OTUD7A: variants seen among roughly 807,000 people sequenced by gnomAD.
OTUD7A encodes the protein OTU domain-containing protein 7A.
A neutral mutation model predicts 65.7 loss-of-function variants in OTUD7A; 12 were observed. The observed-to-expected ratio is 0.18, with a 90% confidence interval of 0.12 to 0.30. OTUD7A has a LOEUF of 0.30. Among genes scored for constraint, OTUD7A ranks in the 10% least tolerant of loss-of-function variants. The pLI is 1.00. For synonymous variants in OTUD7A, 641 were observed against 586.3 expected, an observed-to-expected ratio of 1.09 and a Z score of -1.35; for missense variants, 1,148 against 1,304.8, an observed-to-expected ratio of 0.88 and a Z score of 1.85.
chr15:31,836,392 T>C (rs1353210526), intron 1 of OTUD7A, among the ~76,000 whole-genome samples: 1 of 152,208 alleles, frequency 6.6e-6, no homozygotes, highest in Non-Finnish European at 1.5e-5. Flanking sequence ...CTCTTTGCAC[T>C]TTTCATGAAC....
At chr15:31,714,837 T>A (rs1479860754) in intron 1 of OTUD7A, among the ~76,000 whole-genome samples, 1 of 152,168 alleles carries the variant, frequency 6.6e-6, no homozygotes, top group Non-Finnish European at 1.5e-5. Context: ...CACAAGAATC[T>A]TTAAAAGATG....
intron 1 of OTUD7A, among the ~76,000 whole-genome samples, chr15:31,745,772 C>G (rs559271083): frequency 1.2e-3 from 187 of 152,224 alleles, no homozygotes; most frequent in Non-Finnish European, 2.3e-3. Context: ...AAAAAATATT[C>G]ACAAGACAGA....
chr15:31,722,626 G>A (rs2089006), intron 1 of OTUD7A, among the ~76,000 whole-genome samples: 30,704 of 152,210 alleles, frequency 0.2, 3,551 homozygotes, highest in Admixed American at 0.28. Context: ...ATGGAATGCA[G>A]GCAGGACCAC....
At chr15:31,525,140 C>T (rs1244563855) in intron 8 of OTUD7A, among the ~76,000 whole-genome samples, 4 of 152,212 alleles carry the variant, frequency 2.6e-5, no homozygotes, top group Non-Finnish European at 5.9e-5. Context: ...ACCTATCAGG[C>T]GTCCTCCCTG....
At chr15:31,812,509 C>A (rs1029984852) in intron 1 of OTUD7A, among the ~76,000 whole-genome samples, 2 of 152,256 alleles carry the variant, frequency 1.3e-5, no homozygotes, top group South Asian at 4.1e-4. Context: ...AGAAAATGCA[C>A]GCCCTGAAGC....
intron 3 of OTUD7A, among the ~76,000 whole-genome samples, chr15:31,586,828 G>A (rs1248191698): frequency 6.6e-6 from 1 of 151,866 alleles, no homozygotes; most frequent in East Asian, 1.9e-4. Flanking sequence ...CCCTTGGCTT[G>A]CCCCCTCTCC....
At position 31,484,804 on chromosome 15, in the gene OTUD7A, C is replaced by G; in HGVS notation, c.1372-80G>C. On this transcript the variant is annotated intron_variant, in intron 12 of 12. Transcript: ENST00000307050. The surrounding 1 kb of genome is among the most constrained non-coding windows in gnomAD (Gnocchi z 4.5). ...GCCAGCGAGGAAGACACACCTTGCC[C>G]CTGTGTTGCCGAGGCTAGGGCCCTG... is the stretch of plus-strand genomic sequence containing the variant. 6.6e-7 allele frequency: 1 copy of G among 1,512,846 alleles called. No homozygotes were observed. Among genetic ancestry groups the G allele is most frequent in the South Asian group, 1.3e-5 (1 of 79,066 alleles). The allele number at this position is 1,512,846 out of a possible 1,614,324, so 93.7% of individuals were successfully genotyped here.
intron 3 of OTUD7A, among the ~76,000 whole-genome samples, chr15:31,616,997 A>C (rs1274691711): frequency 6.6e-6 from 1 of 152,222 alleles, no homozygotes; most frequent in Non-Finnish European, 1.5e-5. Flanking sequence ...AGAAATAGCA[A>C]ATTTAACCAA....
At chr15:31,753,552 T>A (rs1258155852) in intron 1 of OTUD7A, among the ~76,000 whole-genome samples, 1 of 151,544 alleles carries the variant, frequency 6.6e-6, no homozygotes, top group Non-Finnish European at 1.5e-5. Context: ...CATACAATGT[T>A]TGGTTGTCCA....
intron 3 of OTUD7A, among the ~76,000 whole-genome samples, chr15:31,628,935 T>C (rs1043196360): frequency 6.6e-6 from 1 of 152,254 alleles, no homozygotes; most frequent in Non-Finnish European, 1.5e-5. Flanking sequence ...TTTTTACACA[T>C]TGATTTTGTA....
At chr15:31,635,703 G>A (rs1431910933) in intron 3 of OTUD7A, among the ~76,000 whole-genome samples, 4 of 152,200 alleles carry the variant, frequency 2.6e-5, no homozygotes, top group African/African-American at 7.2e-5. Flanking sequence ...TGAAAAAGTC[G>A]ATGTAACTGG....
chr15:31,809,284 T>C lies in OTUD7A; in HGVS notation c.-100+61223A>G, dbSNP rs538654181. Among the ~76,000 whole-genome samples the C allele has an allele frequency of 2.0e-3, 307 of 152,304 alleles. 4 individuals are homozygous for C. The highest frequency in any genetic ancestry group is 2.4e-3 in the Non-Finnish European group (166 of 68,038). The stretch of plus-strand genomic sequence containing the variant: ...ATTCCAGCTCTTAGGAAGTAAAGTG[T>C]ATCCTGGGAGATACATGACCATCCT... On this transcript the variant is annotated intron_variant, in intron 1 of 12. Transcript: ENST00000307050.
chr15:31,522,982 C>A (rs866999018), intron 8 of OTUD7A, among the ~76,000 whole-genome samples: 23 of 152,308 alleles, frequency 1.5e-4, no homozygotes, highest in African/African-American at 5.5e-4. Flanking sequence ...CGCACTGCAC[C>A]CTTTACCCTC....
rs2041017705 is a variant in OTUD7A, at chr15:31,476,335, G to A, written c.*6959C>T. ...TTTGGTCCTAAGTTAGCGGAGACAA[G>A]CTGCCCCACTCCCCACTGCCAAGTC... On this transcript the variant is annotated 3_prime_UTR_variant, in exon 13 of 13. Coordinates refer to ENST00000307050, the MANE Select transcript of OTUD7A (RefSeq NM_001382637.1). 6.6e-6 allele frequency: 1 copy of A among 152,354 alleles called. No individual in the cohort carries two copies. The highest frequency in any genetic ancestry group is 1.5e-5 in the Non-Finnish European group (1 of 68,140). 9.4% of individuals were successfully genotyped at this position (152,354 alleles called of 1,614,324 possible). A position where few individuals can be genotyped will look rare whatever the true frequency, so the allele number is the denominator to read the frequency against.
intron 3 of OTUD7A, among the ~76,000 whole-genome samples, chr15:31,572,083 A>G (rs2141174114): frequency 6.6e-6 from 1 of 152,230 alleles, no homozygotes; most frequent in African/African-American, 2.4e-5. Flanking sequence ...TCTAGTTACA[A>G]CTTACATCCT....
At position 31,484,044 on chromosome 15, in the gene OTUD7A, A is replaced by G. The variant is rs1265808337; in HGVS notation, c.2052T>C (p.Ala684=). The change falls in exon 13 of 13, where the codon GCT becomes GCC. Residue 684 remains alanine, a synonymous_variant. Transcript: ENST00000307050. This position sits in a 1 kb window ranked among gnomAD's most constrained non-coding sequence, Gnocchi z 4.5. The stretch of plus-strand genomic sequence containing the variant: ...CGGCGGCGGCAGCGGCGGCCGCAGT[A>G]GCGGCGTCGCGGCGCCGCTGCTCCT... The part of the protein sequence containing the change: ...AEQEQRRRDA[A]TAAAAAAAAA... 1.7e-5 allele frequency: 22 copies of G among 1,313,014 alleles called. No homozygotes were observed. Among genetic ancestry groups the G allele is most frequent in the East Asian group, 3.1e-5 (1 of 32,772 alleles). The allele number at this position is 1,313,014 out of a possible 1,614,324, so 81.3% of individuals were successfully genotyped here.
intron 1 of OTUD7A, among the ~76,000 whole-genome samples, chr15:31,728,941 C>T (rs950386762): frequency 6.6e-6 from 1 of 152,230 alleles, no homozygotes; most frequent in Non-Finnish European, 1.5e-5. Flanking sequence ...GATGTGTATA[C>T]AGTAGTCCTG....
intron 3 of OTUD7A, among the ~76,000 whole-genome samples, chr15:31,577,444 C>G (rs530913675): frequency 6.6e-6 from 1 of 152,320 alleles, no homozygotes; most frequent in African/African-American, 2.4e-5. Flanking sequence ...CTGAATCCAC[C>G]TATGACCTGT....
rs946502530 is a variant in OTUD7A, at chr15:31,479,891, G to A, written c.*3403C>T. 1 of 152,262 alleles carries A rather than the reference G, an allele frequency of 6.6e-6. No homozygotes were observed. Among genetic ancestry groups the A allele is most frequent in the African/African-American group, 2.4e-5 (1 of 41,532 alleles). 9.4% of individuals were successfully genotyped at this position (152,262 alleles called of 1,614,324 possible). On this transcript the variant is annotated 3_prime_UTR_variant, in exon 13 of 13. Coordinates refer to ENST00000307050, the MANE Select transcript of OTUD7A (RefSeq NM_001382637.1). Reference sequence around the variant, plus strand: ...CACTGGGTGGTAATAGGTATGAAAAGGTCCACAGTAATTTAGTGAATACAA... The same window carrying A: ...CACTGGGTGGTAATAGGTATGAAAAAGTCCACAGTAATTTAGTGAATACAA...
Sources: allele counts gnomAD v4.1 joint callset (sites outside exome capture counted in the v4.1 genomes callset), GRCh38; gene constraint gnomAD v4.1.1; non-coding constraint Gnocchi (gnomAD v3.1); transcripts MANE v1.5; gene names NCBI Gene and HGNC (gene_info 2026-07-23, HGNC 2026-07-21).